The following TAMM41 variants were observed in gnomAD, a reference collection of about 807,000 sequenced individuals.
TAMM41 encodes TAM41 mitochondrial translocator assembly and maintenance homolog.
TAMM41 carries 36 observed loss-of-function variants against 44.1 expected under a neutral mutation model. The observed-to-expected ratio is 0.82, with a 90% confidence interval of 0.63 to 1.08. The LOEUF is 1.08. TAMM41 is among the 50% of genes least tolerant of loss of function. The pLI is 0.00. For synonymous variants in TAMM41, 164 were observed against 153.1 expected (o/e 1.07, Z -0.53); for missense variants, 417 against 404.3 (o/e 1.03, Z -0.27).
chr3:11,819,712 T>C lies in TAMM41; in HGVS notation c.563-2375A>G, dbSNP rs59441405. On this transcript the variant is annotated intron_variant, in intron 4 of 7. Transcript: ENST00000455809. ...GAGTTCGAGACCAGCCTGGGCAACA[T>C]AGCGAGACTCTGTCTCTATGTAATT... is the stretch of plus-strand genomic sequence containing the variant. Among the ~76,000 whole-genome samples the C allele has an allele frequency of 3.5e-3, 534 of 151,640 alleles. 1 individual carries two copies. The highest frequency in any genetic ancestry group is 0.024 in the Middle Eastern group (7 of 292).
At chr3:11,800,112 G>A (rs545401742) in intron 7 of TAMM41, among the ~76,000 whole-genome samples, 4 of 152,162 alleles carry the variant, frequency 2.6e-5, no homozygotes, top group African/African-American at 7.2e-5. Flanking sequence ...GAAACAAAAC[G>A]CTGATATTCA....
At chr3:11,749,808 A>C in the TAMM41 span, among the ~76,000 whole-genome samples, 1 of 151,862 alleles carries the variant, frequency 6.6e-6, no homozygotes, top group Non-Finnish European at 1.5e-5. Flanking sequence ...GGTTAGTGAG[A>C]CCCACTGTGG....
chr3:11,750,348 A>T, the TAMM41 span, among the ~76,000 whole-genome samples: 2 of 152,104 alleles, frequency 1.3e-5, no homozygotes, highest in African/African-American at 4.8e-5. Context: ...TCTGTTGCCC[A>T]GGCTGAAGTG....
At chr3:11,732,899 G>C in the TAMM41 span, among the ~76,000 whole-genome samples, 5 of 152,146 alleles carry the variant, frequency 3.3e-5, no homozygotes, top group Admixed American at 3.3e-4. Context: ...CCTGGGAAGT[G>C]GTCTGGCTGT....
At chr3:11,787,337 C>T (rs1055682222), downstream of TAMM41, among the ~76,000 whole-genome samples, 1 of 152,156 alleles carries the variant, frequency 6.6e-6, no homozygotes, top group African/African-American at 2.4e-5. Flanking sequence ...TATTTTGAAA[C>T]CGCTACAGGG....
the TAMM41 span, among the ~76,000 whole-genome samples, chr3:11,747,878 TTTA>T: frequency 2.8e-4 from 3 of 10,698 alleles, no homozygotes; most frequent in Non-Finnish European, 2.2e-4. Flanking sequence ...TATTTATTTA[TTTA>T]TTTTTTTTTT....
chr3:11,752,625 C>CTTTTTTTTTTTTT, the TAMM41 span, among the ~76,000 whole-genome samples: 101 of 39,954 alleles, frequency 2.5e-3, 25 homozygotes, highest in Non-Finnish European at 3.4e-3. Context: ...TCTTACAAAG[C>CTTTTTTTTTTTTT]TTTTTTTTTT....
chr3:11,784,804 T>C, the TAMM41 span, among the ~76,000 whole-genome samples: 7 of 148,078 alleles, frequency 4.7e-5, no homozygotes, highest in Non-Finnish European at 7.5e-5. Flanking sequence ...TTCTTTTTTT[T>C]TTTTTTTTTT....
the TAMM41 span, among the ~76,000 whole-genome samples, chr3:11,767,524 G>A: frequency 2.6e-5 from 4 of 151,934 alleles, no homozygotes; most frequent in South Asian, 2.1e-4. Context: ...ATGACTACAC[G>A]GAACTATCAA....
chr3:11,833,436 A>G (rs1243402290), intron 3 of TAMM41, among the ~76,000 whole-genome samples: 1 of 152,174 alleles, frequency 6.6e-6, no homozygotes, highest in Non-Finnish European at 1.5e-5. Context: ...CCACAGCCCT[A>G]CCTACTGTTC....
the TAMM41 span, among the ~76,000 whole-genome samples, chr3:11,726,852 A>G: frequency 1.3e-5 from 2 of 151,810 alleles, no homozygotes; most frequent in African/African-American, 4.8e-5. Context: ...GTGAAGAGTG[A>G]ACCAGATGTT....
At chr3:11,844,253 T>G in intron 1 of TAMM41, 42 bp from the exon 2 acceptor site, 1 of 1,587,250 alleles carries the variant, frequency 6.3e-7, no homozygotes, top group Non-Finnish European at 8.6e-7. Flanking sequence ...TATTAATTCC[T>G]AGAAAGGCAG....
chr3:11,773,686 A>G, the TAMM41 span, among the ~76,000 whole-genome samples: 3 of 152,272 alleles, frequency 2.0e-5, no homozygotes, highest in Non-Finnish European at 4.4e-5. Flanking sequence ...TCATTAATTT[A>G]TAACAGTATG....
chr3:11,768,012 T>A, the TAMM41 span, among the ~76,000 whole-genome samples: 1 of 150,236 alleles, frequency 6.7e-6, no homozygotes, highest in Admixed American at 6.6e-5. Flanking sequence ...CCTGTGGGGG[T>A]GAATAGGTGT....
chr3:11,722,696 C>T, the TAMM41 span, among the ~76,000 whole-genome samples: 6 of 152,008 alleles, frequency 3.9e-5, no homozygotes, highest in East Asian at 7.7e-4. Flanking sequence ...AATGGTCAGG[C>T]GTGGTGGCTC....
At chr3:11,843,976 A>T in intron 2 of TAMM41, 53 bp downstream of exon 2, 1 of 1,580,384 alleles carries the variant, frequency 6.3e-7, no homozygotes, top group Non-Finnish European at 8.6e-7. Flanking sequence ...TGGCACTCTA[A>T]TAACCCAGGT....
chr3:11,828,801 A>G lies in TAMM41; in HGVS notation c.562+913T>C, dbSNP rs999260969. Among the ~76,000 whole-genome samples, 9 of 152,354 alleles carry G rather than the reference A, an allele frequency of 5.9e-5. No homozygotes were observed. In the East Asian group the frequency reaches 1.4e-3, roughly 23 times the overall value. Reference sequence around the variant, plus strand: ...GAACAAAACCTCTAAGGTCTCTTACAGCATTAAATTTCCATGAAATCTTAC... The same window carrying G: ...GAACAAAACCTCTAAGGTCTCTTACGGCATTAAATTTCCATGAAATCTTAC... On this transcript the variant is annotated intron_variant, in intron 4 of 7. Transcript: ENST00000455809.
At chr3:11,730,537 A>G in the TAMM41 span, among the ~76,000 whole-genome samples, 1 of 152,194 alleles carries the variant, frequency 6.6e-6, no homozygotes, top group Admixed American at 6.5e-5. Flanking sequence ...GTTCAAGACC[A>G]GCCTGGCCAG....
chr3:11,822,135 C>T (rs2078549663), intron 4 of TAMM41, among the ~76,000 whole-genome samples: 1 of 152,052 alleles, frequency 6.6e-6, no homozygotes, highest in African/African-American at 2.4e-5. Flanking sequence ...CCAAGTATTT[C>T]AGATAAGGGA....
Sources: allele counts gnomAD v4.1 joint callset (sites outside exome capture counted in the v4.1 genomes callset), GRCh38; gene constraint gnomAD v4.1.1; transcripts MANE v1.5; gene names NCBI Gene and HGNC (gene_info 2026-07-23, HGNC 2026-07-21).